The following NARS2 variants were observed in gnomAD, a reference collection of about 807,000 sequenced individuals.
NARS2 encodes asparaginyl-tRNA synthetase 2, mitochondrial.
NARS2 carries 60 observed loss-of-function variants against 62.9 expected under a neutral mutation model. The observed-to-expected ratio is 0.95, with a 90% CI of 0.77 to 1.18. NARS2 has a LOEUF of 1.18. Among genes scored for constraint, NARS2 ranks in the 50% most tolerant of loss-of-function variants. The pLI is 0.00. For synonymous variants in NARS2, 196 were observed against 200.0 expected (o/e 0.98, Z 0.17); for missense variants, 619 against 576.4 (o/e 1.07, Z -0.76).
intron 6 of NARS2, among the ~76,000 whole-genome samples, chr11:78,494,572 A>G (rs1859977714): frequency 6.6e-6 from 1 of 151,698 alleles, no homozygotes; most frequent in African/African-American, 2.4e-5. Flanking sequence ...CATTTCAGTA[A>G]GACCCAATTG....
At chr11:78,452,277 T>C (rs1857997999) in intron 11 of NARS2, among the ~76,000 whole-genome samples, 1 of 152,002 alleles carries the variant, frequency 6.6e-6, no homozygotes, top group African/African-American at 2.4e-5. Context: ...TCAGCTAATT[T>C]TTTATATTTT....
chr11:78,514,036 C>G (rs143727793), intron 6 of NARS2, among the ~76,000 whole-genome samples: 6 of 152,290 alleles, frequency 3.9e-5, no homozygotes, highest in South Asian at 2.1e-4. Flanking sequence ...TGAAGCCTCA[C>G]GAGAAGCAGA....
chr11:78,500,445 C>T (rs370398007), intron 6 of NARS2, among the ~76,000 whole-genome samples: 2 of 152,152 alleles, frequency 1.3e-5, no homozygotes, highest in Admixed American at 6.5e-5. Context: ...TCCTTTCCAT[C>T]GGGCTACAGT....
rs757404752 is a variant in NARS2 at position 78,465,970 on chromosome 11, T to C, written c.1070A>G (p.Lys357Arg). Residue 357 changes from lysine (K) to arginine (R), a missense_variant, in exon 11 of 14, where the codon AAG becomes AGG. Coordinates refer to ENST00000281038, the MANE Select transcript of NARS2 (RefSeq NM_024678.6). Reference sequence around the variant, plus strand: ...GAAGACAGGTATGTTGCCACAGTGCTTCACCAGGTACTTTTCATGTTCAGT... The same window carrying C: ...GAAGACAGGTATGTTGCCACAGTGCCTCACCAGGTACTTTTCATGTTCAGT... Reference protein sequence around the residue: ...LRTEHEKYLVKHCGNIPVFVI... With the variant: ...LRTEHEKYLVRHCGNIPVFVI... The C allele has an allele frequency of 6.2e-7, 1 of 1,613,672 alleles. No homozygotes were observed. The highest frequency in any genetic ancestry group is 8.5e-7 in the Non-Finnish European group (1 of 1,179,788).
intron 6 of NARS2, among the ~76,000 whole-genome samples, chr11:78,507,090 G>C (rs1012353550): frequency 3.7e-4 from 56 of 152,046 alleles, no homozygotes; most frequent in Non-Finnish European, 4.4e-4. Context: ...CTAGATTGCT[G>C]ATTGTGGTTT....
intron 7 of NARS2, among the ~76,000 whole-genome samples, chr11:78,482,224 T>C (rs530071195): frequency 8.6e-5 from 13 of 151,834 alleles, no homozygotes; most frequent in Non-Finnish European, 8.8e-5. Flanking sequence ...AACTTAAAAA[T>C]ATGGTCAGAC....
intron 5 of NARS2, among the ~76,000 whole-genome samples, chr11:78,531,724 C>T (rs887301562): frequency 6.6e-6 from 1 of 152,098 alleles, no homozygotes; most frequent in Admixed American, 6.6e-5. Context: ...TTAGCATGTA[C>T]TTATGTATGT....
chr11:78,502,148 G>T (rs183800670), intron 6 of NARS2, among the ~76,000 whole-genome samples: 3 of 152,302 alleles, frequency 2.0e-5, no homozygotes, highest in Admixed American at 2.0e-4. Flanking sequence ...AGCAGAAAGT[G>T]GTTGCCAGGG....
chr11:78,446,706 G>T (rs1857773197), intron 11 of NARS2, among the ~76,000 whole-genome samples: 1 of 152,028 alleles, frequency 6.6e-6, no homozygotes, highest in African/African-American at 2.4e-5. Context: ...ATGGATTAAA[G>T]ATTTAAATAT....
chr11:78,461,581 G>A (rs1858396336), intron 11 of NARS2, among the ~76,000 whole-genome samples: 1 of 126,088 alleles, frequency 7.9e-6, no homozygotes, highest in African/African-American at 3.0e-5. Flanking sequence ...AGTATAGAAT[G>A]AGTGGGAGAT....
chr11:78,563,224 T>C (rs1856612530), intron 4 of NARS2, among the ~76,000 whole-genome samples: 1 of 147,988 alleles, frequency 6.8e-6, no homozygotes, highest in African/African-American at 2.5e-5. Context: ...AATTTTTTTT[T>C]TTTTTTTTTT....
intron 9 of NARS2, among the ~76,000 whole-genome samples, chr11:78,472,291 C>A (rs1352521874): frequency 6.6e-6 from 1 of 152,120 alleles, no homozygotes; most frequent in Non-Finnish European, 1.5e-5. Flanking sequence ...GAGGAAAAAA[C>A]ACTGTGGTAG....
At chr11:78,508,862 C>T (rs189661580) in intron 6 of NARS2, among the ~76,000 whole-genome samples, 49 of 152,228 alleles carry the variant, frequency 3.2e-4, no homozygotes, top group African/African-American at 1.0e-3. Context: ...ACAGTGCAAT[C>T]CCAGCACTTT....
At chr11:78,503,074 A>G (rs1000135130) in intron 6 of NARS2, among the ~76,000 whole-genome samples, 14 of 151,688 alleles carry the variant, frequency 9.2e-5, no homozygotes, top group African/African-American at 2.4e-4. Context: ...TTGCTACCCT[A>G]TAAGAGAGGT....
At chr11:78,540,102 A>G (rs1026685962) in intron 5 of NARS2, among the ~76,000 whole-genome samples, 3 of 152,188 alleles carry the variant, frequency 2.0e-5, no homozygotes, top group African/African-American at 7.2e-5. Flanking sequence ...GCCTTTCTCT[A>G]TTATGCAAAA....
At chr11:78,557,959 G>T (rs1175812207) in intron 5 of NARS2, among the ~76,000 whole-genome samples, 2 of 150,946 alleles carry the variant, frequency 1.3e-5, no homozygotes, top group Non-Finnish European at 3.0e-5. Context: ...GTTTCATTTG[G>T]GTCTCTTTAA....
intron 11 of NARS2, among the ~76,000 whole-genome samples, chr11:78,449,338 A>G (rs915213263): frequency 4.6e-5 from 7 of 151,682 alleles, no homozygotes; most frequent in African/African-American, 1.7e-4. Flanking sequence ...GGGTTTCACC[A>G]CGTTAGCCAG....
rs371097182 is a variant in NARS2 at position 78,574,386 on chromosome 11, C to G, written c.103G>C (p.Gly35Arg). The change falls in exon 1 of 14, where the codon GGG (glycine) becomes CGG (arginine). Residue 35 changes from glycine (G) to arginine (R), a missense_variant. By Grantham distance (125) the Gly-to-Arg change is moderately radical. Coordinates refer to ENST00000281038, the MANE Select transcript of NARS2 (RefSeq NM_024678.6). ...SAKLSVRDAL[G>R]AQNASGERIK... is the part of the protein sequence containing the mutation. ...CGCTCCCCACTCGCGTTCTGAGCCC[C>G]GAGAGCGTCCCGCACGCTCAGTTTG... 4 of 1,614,104 alleles carry G rather than the reference C, an allele frequency of 2.5e-6. No homozygotes were observed. The African/African-American group carries it at 4.0e-5, about 16-fold the overall frequency.
At chr11:78,571,486 T>C in intron 1 of NARS2, 42 bp from the exon 2 acceptor site, 2 of 1,401,714 alleles carry the variant, frequency 1.4e-6, no homozygotes, top group South Asian at 1.2e-5. Flanking sequence ...TAAAACATTT[T>C]ACGTTTTCAT....
Sources: gnomAD v4.1 joint callset for allele counts (sites outside exome capture counted in the v4.1 genomes callset) on GRCh38, gnomAD v4.1.1 for gene constraint, MANE v1.5 for transcripts, NCBI Gene and HGNC (gene_info 2026-07-23, HGNC 2026-07-21) for gene names.